Variants in ACTN4 observed in about 807,000 individuals in gnomAD.
The protein encoded by ACTN4 is alpha-actinin-4.
A neutral mutation model predicts 114.2 loss-of-function variants in ACTN4; 18 were observed. The observed-to-expected ratio is 0.16, with a 90% CI of 0.11 to 0.23. The LOEUF is 0.23. Among genes scored for constraint, ACTN4 ranks in the 10% least tolerant of loss-of-function variants. The pLI is 1.00. For missense variants in ACTN4, 722 were observed against 1,262.9 expected, an observed-to-expected ratio of 0.57 and a Z score of 6.49; for synonymous variants, 515 against 506.3, an observed-to-expected ratio of 1.02 and a Z score of -0.23.
At chr19:38,699,599 A>G (rs931468389) in intron 1 of ACTN4, among the ~76,000 whole-genome samples, 4 of 152,054 alleles carry the variant, frequency 2.6e-5, no homozygotes, top group African/African-American at 9.7e-5. Flanking sequence ...TACTAAAAAG[A>G]CAAAAATTAG....
chr19:38,648,260 G>C (rs1976448447), intron 1 of ACTN4: 1 of 207,094 alleles, frequency 4.8e-6, no homozygotes, highest in Admixed American at 6.0e-5. Context: ...GGGCTTGAAG[G>C]GTCGGAGCAT....
intron 1 of ACTN4, among the ~76,000 whole-genome samples, chr19:38,673,536 CTT>C (rs1967224579): frequency 5.9e-5 from 4 of 67,956 alleles, no homozygotes; most frequent in African/African-American, 2.9e-4. Context: ...TTCATATATA[CTT>C]ATATATATTT....
rs145678230 is a variant in ACTN4, at chr19:38,725,815, A to G, written c.2102A>G (p.Lys701Arg). The G allele has an allele frequency of 1.2e-6, 2 of 1,614,078 alleles. No individual in the cohort carries two copies. The highest frequency in any genetic ancestry group is 1.1e-5 in the South Asian group (1 of 91,092). The change falls in exon 17 of 21, where the codon AAG becomes AGG. Residue 701 changes from lysine to arginine, a missense_variant. By Grantham distance (26) the Lys-to-Arg change is conservative. Transcript: ENST00000252699. ...TATGAACGCAGCATCGTGGACTACA[A>G]GCCCAACCTGGACCTGCTGGAGCAG... ...KQYERSIVDY[K>R]PNLDLLEQQH...
rs573683538 is a variant in ACTN4, at chr19:38,711,568, C to G, written c.819+1226C>G. On this transcript the variant is annotated intron_variant, in intron 8 of 20. Coordinates refer to ENST00000252699, the MANE Select transcript of ACTN4 (RefSeq NM_004924.6). ...CGGTGCTGGGCCTGTGCTGAGGAGT[C>G]ACAGACCTCTGTTTGAACACAGCCC... Among the ~76,000 whole-genome samples the G allele has an allele frequency of 3.1e-3, 468 of 152,342 alleles. 4 individuals carry two copies. Among genetic ancestry groups the G allele is most frequent in the African/African-American group, 0.011 (454 of 41,580 alleles).
rs1969213078 is a variant in ACTN4 at position 38,725,776 on chromosome 19, G to A, written c.2063G>A (p.Ser688Asn). The change falls in exon 17 of 21, where the codon AGC becomes AAC. Residue 688 changes from serine to asparagine, a missense_variant. By Grantham distance (46) the Ser-to-Asn change is conservative (BLOSUM62 1). Transcript: ENST00000252699. ...EMNGTLEDQL[S>N]HLKQYERSIV... ...AACGGGACCCTGGAGGACCAGCTGA[G>A]CCACCTGAAGCAGTATGAACGCAGC... 2 of 1,614,162 alleles carry A rather than the reference G, an allele frequency of 1.2e-6. No individual in the cohort carries two copies. The highest frequency in any genetic ancestry group is 2.2e-5 in the South Asian group (2 of 91,092).
rs1465541517 is a variant in ACTN4 at position 38,731,350 on chromosome 19, C to G, written c.*1918C>G. On this transcript the variant is annotated 3_prime_UTR_variant, in exon 21 of 21. Coordinates refer to ENST00000252699, the MANE Select transcript of ACTN4 (RefSeq NM_004924.6). ...GTCACACCCCAACTCTGCCCCATCC[C>G]GGCAGGGTGAGTACAGGCTGATCCC... 1.4e-6 allele frequency: 1 copy of G among 715,962 alleles called. No individual in the cohort carries two copies. Among genetic ancestry groups the G allele is most frequent in the Non-Finnish European group, 2.5e-6 (1 of 404,768 alleles). 44.4% of individuals were successfully genotyped at this position (715,962 alleles called of 1,614,324 possible). A position where few individuals can be genotyped will look rare whatever the true frequency, so the allele number is the denominator to read the frequency against.
At chr19:38,711,374 A>G (rs769397135) in intron 8 of ACTN4, 220 of 1,019,918 alleles carry the variant, frequency 2.2e-4, no homozygotes, top group Non-Finnish European at 2.5e-4. Context: ...GAGCTGGGCC[A>G]GGCACACCTC....
intron 1 of ACTN4, among the ~76,000 whole-genome samples, chr19:38,694,859 C>A (rs1292729486): frequency 6.6e-6 from 1 of 151,944 alleles, no homozygotes; most frequent in Non-Finnish European, 1.5e-5. Flanking sequence ...CCCCGCACCC[C>A]CGTGCTGAAT....
chr19:38,701,890 T>C (rs1048602762), intron 3 of ACTN4, among the ~76,000 whole-genome samples: 1 of 152,168 alleles, frequency 6.6e-6, no homozygotes, highest in African/African-American at 2.4e-5. Flanking sequence ...GTAAACTAAT[T>C]GCCGTTAATG....
At chr19:38,710,206 C>A (rs1445976992) in intron 7 of ACTN4, 51 bp from the exon 8 acceptor site, 4 of 1,602,130 alleles carry the variant, frequency 2.5e-6, no homozygotes, top group Non-Finnish European at 3.4e-6. Flanking sequence ...TGAGTGACGC[C>A]TCCACCCCCC....
In ACTN4 at chr19:38,725,754, G is replaced by A. The variant is rs1969212248; in HGVS notation, c.2041G>A (p.Gly681Arg). Residue 681 changes from glycine to arginine, a missense_variant, in exon 17 of 21, where the codon GGG becomes AGG. This residue lies in a region of ACTN4 where 523 missense variants were observed against 875.9 expected (regional missense o/e 0.60). Transcript: ENST00000252699. ...CGGGCGCATCTCCATTGAGATGAACGGGACCCTGGAGGACCAGCTGAGCCA... is the reference window on the plus strand; with the variant it reads ...CGGGCGCATCTCCATTGAGATGAACAGGACCCTGGAGGACCAGCTGAGCCA... ...EIGRISIEMN[G>R]TLEDQLSHLK... is the part of the protein sequence containing the mutation. 1 of 1,613,994 alleles carries A rather than the reference G, an allele frequency of 6.2e-7. No individual in the cohort carries two copies. The highest frequency in any genetic ancestry group is 8.5e-7 in the Non-Finnish European group (1 of 1,180,012).
chr19:38,713,292 C>G (rs1335505844), intron 8 of ACTN4, among the ~76,000 whole-genome samples: 1 of 152,254 alleles, frequency 6.6e-6, no homozygotes, highest in East Asian at 1.9e-4. Flanking sequence ...GATGCGGGAA[C>G]TCAGCGGTGA....
chr19:38,720,201 G>A (rs1053671903), intron 11 of ACTN4, among the ~76,000 whole-genome samples: 6 of 152,240 alleles, frequency 3.9e-5, no homozygotes, highest in African/African-American at 1.4e-4. Flanking sequence ...AGCCCGCAGC[G>A]GGAGGGTCGT....
chr19:38,650,465 A>C (rs1477751217), intron 1 of ACTN4, among the ~76,000 whole-genome samples: 2 of 152,136 alleles, frequency 1.3e-5, no homozygotes, highest in East Asian at 3.9e-4. Flanking sequence ...GTTTGAGGGA[A>C]AAGGGTGGCT....
intron 1 of ACTN4, among the ~76,000 whole-genome samples, chr19:38,648,682 G>T (rs1976463161): frequency 6.6e-6 from 1 of 151,880 alleles, no homozygotes; most frequent in Admixed American, 6.6e-5. Context: ...ATTTATTTGT[G>T]GTGCCCTGTT....
rs1280367012 is a variant in ACTN4 at position 38,647,657 on chromosome 19, T to C, written c.-89T>C. On this transcript the variant is annotated 5_prime_UTR_variant, in exon 1 of 21. Coordinates refer to ENST00000252699, the MANE Select transcript of ACTN4 (RefSeq NM_004924.6). The stretch of plus-strand genomic sequence containing the variant: ...CGGGCGGAGGGCGGGCTGAAGCAGC[T>C]GAAGCGGCGGTAGCGGCGGCGGCTC... The C allele has an allele frequency of 6.8e-7, 1 of 1,466,194 alleles. No homozygotes were observed. The highest frequency in any genetic ancestry group is 9.0e-7 in the Non-Finnish European group (1 of 1,106,690). 90.8% of individuals were successfully genotyped at this position (1,466,194 alleles called of 1,614,324 possible). A position where few individuals can be genotyped will look rare whatever the true frequency, so the allele number is the denominator to read the frequency against.
chr19:38,723,950 A>G lies in ACTN4; in HGVS notation c.1565A>G (p.Gln522Arg). The change falls in exon 14 of 21, where the codon CAG becomes CGG. Residue 522 changes from glutamine to arginine, a missense_variant. By Grantham distance (43) the Gln-to-Arg change is conservative. This residue lies in a region of ACTN4 where 523 missense variants were observed against 875.9 expected (regional missense o/e 0.60). Coordinates refer to ENST00000252699, the MANE Select transcript of ACTN4 (RefSeq NM_004924.6). ...RREALEKTEK[Q>R]LEAIDQLHLE... Reference sequence around the variant, plus strand: ...CCCACACACTAGAAAACAGAGAAGCAGCTGGAGGCCATCGACCAGCTGCAC... The same window carrying G: ...CCCACACACTAGAAAACAGAGAAGCGGCTGGAGGCCATCGACCAGCTGCAC... The G allele has an allele frequency of 6.2e-7, 1 of 1,612,804 alleles. No homozygotes were observed. Among genetic ancestry groups the G allele is most frequent in the Non-Finnish European group, 8.5e-7 (1 of 1,179,900 alleles).
chr19:38,674,213 T>G (rs1967303249), intron 1 of ACTN4, among the ~76,000 whole-genome samples: 1 of 151,950 alleles, frequency 6.6e-6, no homozygotes, highest in African/African-American at 2.4e-5. Context: ...GAGGGAGAGT[T>G]AGAGCCAACC....
chr19:38,672,440 C>T (rs575383065), intron 1 of ACTN4, among the ~76,000 whole-genome samples: 30 of 151,570 alleles, frequency 2.0e-4, no homozygotes, highest in African/African-American at 7.3e-4. Context: ...GTGGTTTCTC[C>T]ATGTTGGCCA....
Sources: allele counts gnomAD v4.1 joint callset (sites outside exome capture counted in the v4.1 genomes callset), GRCh38; gene constraint gnomAD v4.1.1; regional missense constraint gnomAD v4.1.1; transcripts MANE v1.5; gene names NCBI Gene and HGNC (gene_info 2026-07-23, HGNC 2026-07-21).